Variants in GLG1 observed in about 807,000 individuals in gnomAD.
GLG1 encodes golgi glycoprotein 1, also known as Golgi apparatus protein 1.
GLG1 carries 38 observed loss-of-function variants against 160.5 expected under a neutral mutation model. The observed-to-expected ratio is 0.24, with a 90% CI of 0.18 to 0.31. The LOEUF (loss-of-function observed/expected upper bound fraction) is 0.31. Ranked by LOEUF, GLG1 falls within the 10% of genes least tolerant of loss-of-function variation. GLG1 has a pLI of 1.00. For synonymous variants in GLG1, 644 were observed against 543.4 expected (o/e 1.19, Z -2.57); for missense variants, 1,373 against 1,505.2 (o/e 0.91, Z 1.45).
chr16:74,543,923 A>G (rs180986345), intron 1 of GLG1, among the ~76,000 whole-genome samples: 37 of 152,320 alleles, frequency 2.4e-4, no homozygotes, highest in African/African-American at 7.5e-4. Context: ...ATAAAAAGCA[A>G]GACAGCTTGA....
At chr16:74,549,097 C>T (rs1350066306) in intron 1 of GLG1, among the ~76,000 whole-genome samples, 1 of 152,166 alleles carries the variant, frequency 6.6e-6, no homozygotes, top group East Asian at 1.9e-4. Flanking sequence ...ATACATTCCT[C>T]TCTGAGCTTT....
intron 5 of GLG1, among the ~76,000 whole-genome samples, chr16:74,495,579 C>T (rs2016155473): frequency 6.6e-6 from 1 of 152,184 alleles, no homozygotes; most frequent in Non-Finnish European, 1.5e-5. Context: ...TATTTAAAGA[C>T]TTAGAAGGCT....
chr16:74,533,134 C>G (rs1345540510), intron 1 of GLG1, among the ~76,000 whole-genome samples: 1 of 151,876 alleles, frequency 6.6e-6, no homozygotes, highest in African/African-American at 2.4e-5. Context: ...TCCTGGCTAA[C>G]ACAGTGAAAC....
intron 21 of GLG1, 63 bp downstream of exon 21, chr16:74,462,425 A>G: frequency 6.7e-7 from 1 of 1,486,636 alleles, no homozygotes; most frequent in Non-Finnish European, 9.3e-7. Context: ...ATTTCAAAAG[A>G]GAAAATTCCC....
intron 21 of GLG1, 102 bp from the exon 22 acceptor site, chr16:74,462,297 C>A: frequency 1.2e-6 from 1 of 808,964 alleles, no homozygotes; most frequent in Non-Finnish European, 2.0e-6. Flanking sequence ...ACCACAAGAA[C>A]AAGAAAAAAA....
intron 2 of GLG1, 124 bp from the exon 3 acceptor site, chr16:74,509,049 TAACA>T (rs962921971): frequency 9.5e-5 from 44 of 462,810 alleles, no homozygotes; most frequent in Admixed American, 2.1e-4. Context: ...TCACATCAGA[TAACA>T]AACAAAGTAG....
intron 5 of GLG1, among the ~76,000 whole-genome samples, chr16:74,495,380 C>G (rs1444048904): frequency 3.3e-5 from 5 of 152,208 alleles, no homozygotes; most frequent in African/African-American, 1.2e-4. Flanking sequence ...TCCCAAAGTG[C>G]TGGGATTACA....
At chr16:74,454,686 A>C (rs1315142599) in intron 25 of GLG1, among the ~76,000 whole-genome samples, 6 of 147,610 alleles carry the variant, frequency 4.1e-5, no homozygotes, top group African/African-American at 1.0e-4. Context: ...AAAAAAAAAA[A>C]AAAAAAAAAA....
chr16:74,494,099 C>T (rs891114014), intron 6 of GLG1, among the ~76,000 whole-genome samples: 2 of 151,422 alleles, frequency 1.3e-5, no homozygotes, highest in African/African-American at 2.4e-5. Flanking sequence ...TGCTTGAACC[C>T]GGCAGGCAGA....
chr16:74,572,810 C>T (rs563458406), intron 1 of GLG1, among the ~76,000 whole-genome samples: 6 of 152,288 alleles, frequency 3.9e-5, no homozygotes, highest in South Asian at 2.1e-4. Flanking sequence ...GGGGTGGTGC[C>T]TGTGGGAAGC....
chr16:74,567,416 T>C (rs372451447), intron 1 of GLG1, among the ~76,000 whole-genome samples: 127 of 152,268 alleles, frequency 8.3e-4, no homozygotes, highest in African/African-American at 3.0e-3. Flanking sequence ...TTTATTCTAA[T>C]GATAGAAGCA....
chr16:74,481,029 G>GA (rs1255444012), intron 10 of GLG1, among the ~76,000 whole-genome samples: 4 of 152,202 alleles, frequency 2.6e-5, no homozygotes, highest in African/African-American at 9.7e-5. Context: ...TGCCCTGGGT[G>GA]AAAACAGAAA....
At position 74,511,005 on chromosome 16, in the gene GLG1, C is replaced by T. The variant is rs78749654; in HGVS notation, c.472-2080G>A. ...GAAGACTTTTTTAGGCAGATGACAC[C>T]GCATCCATGGAAGCAAGGGGTGGAG... On this transcript the variant is annotated intron_variant, in intron 2 of 25. Coordinates refer to ENST00000422840, the MANE Select transcript of GLG1 (RefSeq NM_001145667.2). Among the ~76,000 whole-genome samples the T allele has an allele frequency of 9.3e-3, 1,418 of 152,042 alleles. 28 individuals carry two copies. Among genetic ancestry groups the T allele is most frequent in the African/African-American group, 0.032 (1,308 of 41,472 alleles).
chr16:74,529,030 G>C (rs146119507), intron 2 of GLG1, among the ~76,000 whole-genome samples: 1 of 149,424 alleles, frequency 6.7e-6, no homozygotes, highest in Non-Finnish European at 1.5e-5. Context: ...GCAGTGGTAC[G>C]ATAGTGGTTC....
intron 9 of GLG1, among the ~76,000 whole-genome samples, chr16:74,484,525 G>C (rs2015722244): frequency 6.6e-6 from 1 of 151,872 alleles, no homozygotes; most frequent in South Asian, 2.1e-4. Flanking sequence ...CACTTTGGGA[G>C]GCCGAGGCGG....
chr16:74,481,704 G>T (rs968975861), intron 10 of GLG1, among the ~76,000 whole-genome samples: 2 of 152,170 alleles, frequency 1.3e-5, no homozygotes, highest in Non-Finnish European at 2.9e-5. Context: ...ACACACACAC[G>T]TCTTTTGAGA....
chr16:74,495,258 C>A (rs900253963), intron 5 of GLG1, among the ~76,000 whole-genome samples: 1 of 151,992 alleles, frequency 6.6e-6, no homozygotes, highest in Non-Finnish European at 1.5e-5. Flanking sequence ...GGATTACAGG[C>A]CCCCGCCACC....
At chr16:74,502,740 T>C (rs2016454015) in intron 4 of GLG1, among the ~76,000 whole-genome samples, 1 of 146,606 alleles carries the variant, frequency 6.8e-6, no homozygotes, top group Non-Finnish European at 1.5e-5. Flanking sequence ...TTTTTTTTTT[T>C]TTTGTATTTT....
intron 25 of GLG1, among the ~76,000 whole-genome samples, chr16:74,453,753 T>A (rs1251221060): frequency 6.6e-6 from 1 of 152,218 alleles, no homozygotes; most frequent in Admixed American, 6.5e-5. Context: ...GTTAAATGAC[T>A]TCTATAAGGC....
Sources: allele counts gnomAD v4.1 joint callset (sites outside exome capture counted in the v4.1 genomes callset), GRCh38; gene constraint gnomAD v4.1.1; transcripts MANE v1.5; gene names NCBI Gene and HGNC (gene_info 2026-07-23, HGNC 2026-07-21).